Variants in FOCAD observed in about 807,000 individuals in gnomAD.
The protein encoded by FOCAD is focadhesin.
FOCAD carries 198 observed loss-of-function variants against 225.6 expected under a neutral mutation model. The observed-to-expected ratio is 0.88, with a 90% CI of 0.78 to 0.99. The LOEUF (loss-of-function observed/expected upper bound fraction) is 0.99. FOCAD is among the 50% of genes least tolerant of loss of function. The pLI is 0.00. For missense variants in FOCAD, 2,713 were observed against 2,123.6 expected, an observed-to-expected ratio of 1.28 and a Z score of -5.46; for synonymous variants, 897 against 755.0, an observed-to-expected ratio of 1.19 and a Z score of -3.08.
At chr9:20,843,439 C>A (rs1014414615) in intron 15 of FOCAD, among the ~76,000 whole-genome samples, 3 of 152,016 alleles carry the variant, frequency 2.0e-5, no homozygotes, top group African/African-American at 7.2e-5. Flanking sequence ...TCTCTCCTAG[C>A]CTGTAATGTT....
At chr9:20,859,700 A>G (rs1828580774) in intron 15 of FOCAD, among the ~76,000 whole-genome samples, 1 of 147,224 alleles carries the variant, frequency 6.8e-6, no homozygotes, top group South Asian at 2.1e-4. Context: ...AGTATTATAT[A>G]TATAATATAT....
chr9:20,735,693 T>C (rs1332848357), intron 4 of FOCAD, among the ~76,000 whole-genome samples: 5 of 137,682 alleles, frequency 3.6e-5, no homozygotes, highest in African/African-American at 1.5e-4. Context: ...TTTTTTAAGG[T>C]TTTTTTTTTT....
upstream of FOCAD, among the ~76,000 whole-genome samples, chr9:20,682,685 G>A (rs184600473): frequency 1.5e-3 from 224 of 152,278 alleles, no homozygotes; most frequent in African/African-American, 5.3e-3. Flanking sequence ...TATCATCAAA[G>A]TCCATAAAAA....
At chr9:20,658,027 A>G (rs369424124), upstream of FOCAD, among the ~76,000 whole-genome samples, 3,281 of 134,786 alleles carry the variant, frequency 0.024, 42 homozygotes, top group Middle Eastern at 0.052. Flanking sequence ...GTCTGTTGGA[A>G]TACCCTGCCA....
chr9:20,806,938 C>T (rs962697346), intron 11 of FOCAD, among the ~76,000 whole-genome samples: 3 of 152,178 alleles, frequency 2.0e-5, no homozygotes, highest in African/African-American at 7.2e-5. Context: ...TGTAAACCTT[C>T]TGCATAGATT....
chr9:20,912,778 A>C (rs948666298), intron 22 of FOCAD, 88 bp from the exon 23 acceptor site: 1 of 1,053,900 alleles, frequency 9.5e-7, no homozygotes, highest in Admixed American at 1.8e-5. Flanking sequence ...GGCCAAATGG[A>C]AAAGGATATA....
chr9:20,936,705 C>T (rs150225074), intron 28 of FOCAD, among the ~76,000 whole-genome samples: 17 of 152,190 alleles, frequency 1.1e-4, no homozygotes, highest in African/African-American at 3.4e-4. Context: ...CTCACCACCC[C>T]GATTCAACAT....
chr9:20,795,471 A>T (rs148916095), intron 11 of FOCAD, among the ~76,000 whole-genome samples: 1 of 152,274 alleles, frequency 6.6e-6, no homozygotes, highest in African/African-American at 2.4e-5. Context: ...ACAAAAAGCT[A>T]GATAAATAAT....
At chr9:20,974,935 C>T (rs919370422) in intron 35 of FOCAD, among the ~76,000 whole-genome samples, 20 of 152,150 alleles carry the variant, frequency 1.3e-4, no homozygotes, top group Non-Finnish European at 2.9e-5. Flanking sequence ...CTCCTTCTTC[C>T]TATGCTTCTC....
intron 11 of FOCAD, among the ~76,000 whole-genome samples, chr9:20,815,448 C>G (rs1309047960): frequency 6.6e-6 from 1 of 151,676 alleles, no homozygotes; most frequent in Non-Finnish European, 1.5e-5. Context: ...CCCGGCCTCT[C>G]CTTCGTTTTT....
Position 20,760,362 on chromosome 9 carries a change from A to G in FOCAD, c.494+2171A>G, listed in dbSNP as rs1246912513. Among the ~76,000 whole-genome samples the G allele has an allele frequency of 3.3e-5, 5 of 152,372 alleles. No homozygotes were observed. In the South Asian group the frequency reaches 8.3e-4, roughly 25 times the overall value. The stretch of plus-strand genomic sequence containing the variant: ...GAAACAGTTTGAAATTCCCTGGACT[A>G]TAGGATAAAATCTAATATGTCATAG... On this transcript the variant is annotated intron_variant, in intron 6 of 43. Transcript: ENST00000338382.
chr9:20,790,483 T>C (rs1052986128), intron 11 of FOCAD, among the ~76,000 whole-genome samples: 1 of 152,176 alleles, frequency 6.6e-6, no homozygotes, highest in Admixed American at 6.5e-5. Flanking sequence ...ATCTGAGATA[T>C]GAAGTTAACT....
chr9:20,786,552 G>C (rs1382212192), intron 10 of FOCAD, among the ~76,000 whole-genome samples: 2 of 152,068 alleles, frequency 1.3e-5, no homozygotes, highest in Non-Finnish European at 2.9e-5. Flanking sequence ...TACTTTTAAA[G>C]GTCTATATGT....
At chr9:20,889,518 C>T (rs1257665550) in intron 21 of FOCAD, among the ~76,000 whole-genome samples, 1 of 152,124 alleles carries the variant, frequency 6.6e-6, no homozygotes, top group Non-Finnish European at 1.5e-5. Context: ...CACTGAATTA[C>T]CTAGGCACTT....
At chr9:20,836,126 G>A (rs1468466011) in intron 15 of FOCAD, among the ~76,000 whole-genome samples, 1 of 152,092 alleles carries the variant, frequency 6.6e-6, no homozygotes, top group Non-Finnish European at 1.5e-5. Flanking sequence ...GGAGCACTAT[G>A]GGGTGGGAAT....
intron 1 of FOCAD, among the ~76,000 whole-genome samples, chr9:20,706,327 G>C (rs1207048550): frequency 2.6e-5 from 4 of 151,954 alleles, no homozygotes; most frequent in African/African-American, 9.7e-5. Context: ...CTTATTTTAG[G>C]CTCCCATTTC....
At chr9:20,942,279 C>G (rs1279725226) in intron 28 of FOCAD, among the ~76,000 whole-genome samples, 1 of 152,062 alleles carries the variant, frequency 6.6e-6, no homozygotes, top group Admixed American at 6.5e-5. Context: ...TTTTTCAAAG[C>G]CTTAATACAT....
chr9:20,737,791 A>C (rs977703212), intron 4 of FOCAD, among the ~76,000 whole-genome samples: 1 of 152,212 alleles, frequency 6.6e-6, no homozygotes, highest in Non-Finnish European at 1.5e-5. Flanking sequence ...TGCATCCCTG[A>C]GACCTGGTAA....
intron 15 of FOCAD, among the ~76,000 whole-genome samples, chr9:20,832,660 T>G (rs911168054): frequency 1.4e-4 from 22 of 152,124 alleles, no homozygotes; most frequent in African/African-American, 5.3e-4. Context: ...TTTTTCTTTT[T>G]GTACCCACTA....
Sources: allele counts gnomAD v4.1 joint callset (sites outside exome capture counted in the v4.1 genomes callset), GRCh38; gene constraint gnomAD v4.1.1; transcripts MANE v1.5; gene names NCBI Gene and HGNC (gene_info 2026-07-23, HGNC 2026-07-21).